The following AP3B1 variants were observed in gnomAD, a reference collection of about 807,000 sequenced individuals.
The protein encoded by AP3B1 is AP-3 complex subunit beta-1.
A neutral mutation model predicts 132.5 loss-of-function variants in AP3B1; 61 were observed. The observed-to-expected ratio is 0.46, with a 90% CI of 0.37 to 0.57. The LOEUF is 0.57. Among genes scored for constraint, AP3B1 ranks in the 20% least tolerant of loss-of-function variants. The pLI, the probability that AP3B1 is intolerant of heterozygous loss-of-function variation, is 0.00. For missense variants in AP3B1, 1,120 were observed against 1,289.4 expected (o/e 0.87, Z 2.01); for synonymous variants, 388 against 438.3 (o/e 0.89, Z 1.43).
chr5:78,102,571 A>T (rs1196726532), intron 20 of AP3B1, among the ~76,000 whole-genome samples: 1 of 152,138 alleles, frequency 6.6e-6, no homozygotes. Flanking sequence ...CTAAAATTTA[A>T]AAGTTGCAAG....
intron 1 of AP3B1, among the ~76,000 whole-genome samples, chr5:78,288,777 C>T (rs933821774): frequency 6.6e-6 from 1 of 151,976 alleles, no homozygotes; most frequent in Non-Finnish European, 1.5e-5. Flanking sequence ...TTAATATGAG[C>T]AGAATGTGTG....
intron 19 of AP3B1, among the ~76,000 whole-genome samples, chr5:78,111,899 C>T (rs761753544): frequency 3.9e-5 from 6 of 152,094 alleles, no homozygotes; most frequent in Non-Finnish European, 8.8e-5. Context: ...AAATAACCTG[C>T]TCAAGGGCAC....
chr5:78,038,578 C>G (rs1320180932), intron 23 of AP3B1, among the ~76,000 whole-genome samples: 1 of 152,228 alleles, frequency 6.6e-6, no homozygotes, highest in Non-Finnish European at 1.5e-5. Context: ...TCTCAGTCTT[C>G]ACTCCCTTCA....
intron 1 of AP3B1, among the ~76,000 whole-genome samples, chr5:78,279,905 T>TG (rs1330788447): frequency 4.0e-5 from 4 of 100,276 alleles, no homozygotes; most frequent in African/African-American, 1.1e-4. Flanking sequence ...ATATATGACT[T>TG]AAATATATAT....
intron 22 of AP3B1, among the ~76,000 whole-genome samples, chr5:78,082,347 T>C (rs115708370): frequency 7.2e-5 from 11 of 152,310 alleles, no homozygotes; most frequent in African/African-American, 1.9e-4. Context: ...TCCACGGCCA[T>C]TGGACTAGAT....
chr5:78,276,808 GCAGTGAGCCAAGATCGCAC>G (rs1401441147), intron 1 of AP3B1, among the ~76,000 whole-genome samples: 1 of 151,862 alleles, frequency 6.6e-6, no homozygotes, highest in Non-Finnish European at 1.5e-5. Context: ...AGCTGAGGCG[GCAGTGAGCCAAGATCGCAC>G]CATTTCACTT....
intron 22 of AP3B1, among the ~76,000 whole-genome samples, chr5:78,045,524 A>G (rs961864712): frequency 6.6e-6 from 1 of 152,154 alleles, no homozygotes; most frequent in Non-Finnish European, 1.5e-5. Flanking sequence ...TGTTCAATAA[A>G]CCGAGTGGGT....
chr5:78,133,072 C>T (rs937721374), intron 15 of AP3B1, among the ~76,000 whole-genome samples: 2 of 152,168 alleles, frequency 1.3e-5, no homozygotes, highest in African/African-American at 4.8e-5. Flanking sequence ...CCTCTAACTT[C>T]CCATGTTTTC....
intron 22 of AP3B1, among the ~76,000 whole-genome samples, chr5:78,084,521 C>CAAAAAAAAAAA (rs568637894): frequency 1.4e-3 from 63 of 43,878 alleles, no homozygotes; most frequent in East Asian, 3.8e-3. Context: ...CAGACCCTGT[C>CAAAAAAAAAAA]AAAAAAAAAA....
intron 17 of AP3B1, among the ~76,000 whole-genome samples, chr5:78,118,711 G>A (rs1214122302): frequency 6.6e-6 from 1 of 152,346 alleles, no homozygotes; most frequent in Middle Eastern, 3.4e-3. Context: ...ACAGCTCAAG[G>A]AGGCCTGCCT....
intron 24 of AP3B1, among the ~76,000 whole-genome samples, chr5:78,030,652 G>A (rs563743678): frequency 1.3e-4 from 20 of 152,188 alleles, no homozygotes; most frequent in African/African-American, 2.6e-4. Flanking sequence ...GAAGGCTTGC[G>A]TGTTTCTTTT....
At chr5:78,072,840 G>T (rs1749599937) in intron 22 of AP3B1, among the ~76,000 whole-genome samples, 1 of 140,898 alleles carries the variant, frequency 7.1e-6, no homozygotes, top group Admixed American at 7.6e-5. Flanking sequence ...TCCTGCCTCA[G>T]CCTCCTGAGT....
intron 13 of AP3B1, among the ~76,000 whole-genome samples, chr5:78,158,404 G>C (rs1383417003): frequency 6.6e-6 from 1 of 152,004 alleles, no homozygotes; most frequent in Non-Finnish European, 1.5e-5. Flanking sequence ...GCTTCAGTGA[G>C]CCGTGATCAC....
intron 2 of AP3B1, among the ~76,000 whole-genome samples, chr5:78,261,228 C>A (rs1561206612): frequency 6.6e-6 from 1 of 152,194 alleles, no homozygotes; most frequent in Non-Finnish European, 1.5e-5. Context: ...TTCCCACCAG[C>A]AATGCATAAG....
At chr5:78,219,636 GA>G (rs1369522703) in intron 6 of AP3B1, among the ~76,000 whole-genome samples, 1 of 151,794 alleles carries the variant, frequency 6.6e-6, no homozygotes, top group Non-Finnish European at 1.5e-5. Flanking sequence ...CTATTTTTAG[GA>G]AAAAACTATT....
chr5:78,223,027 C>CTTTTTTTTTTTTT (rs1554077324), intron 6 of AP3B1, among the ~76,000 whole-genome samples: 14 of 127,814 alleles, frequency 1.1e-4, no homozygotes, highest in African/African-American at 4.1e-4. Flanking sequence ...TTGTTTGTTT[C>CTTTTTTTTTTTTT]TTTTTTTTTT....
At chr5:78,024,417 C>T (rs1199181364) in intron 24 of AP3B1, among the ~76,000 whole-genome samples, 3 of 151,866 alleles carry the variant, frequency 2.0e-5, no homozygotes, top group Non-Finnish European at 4.4e-5. Flanking sequence ...GAGACAGGGT[C>T]TCAGCTCTGT....
chr5:78,105,653 A>C (rs1482342024), intron 20 of AP3B1, among the ~76,000 whole-genome samples: 1 of 152,226 alleles, frequency 6.6e-6, no homozygotes, highest in East Asian at 1.9e-4. Context: ...GAACAAAAGA[A>C]TTACTTCATT....
Position 78,166,129 on chromosome 5 carries a change from AC to A in AP3B1, c.1168-458del, listed in dbSNP as rs1743616074. On this transcript the variant is annotated intron_variant, in intron 11 of 26. Coordinates refer to ENST00000255194, the MANE Select transcript of AP3B1 (RefSeq NM_003664.5). Reference sequence around the variant, plus strand: ...GACTGAAACTCTGTCACACACACACACACACACACACACACACACACACACA... The same window carrying A: ...GACTGAAACTCTGTCACACACACACAACACACACACACACACACACACACA... 4.0e-4 allele frequency among the ~76,000 whole-genome samples: 7 copies of A among 17,552 alleles called. No homozygotes were observed. In the South Asian group the frequency reaches 0.026, roughly 66 times the overall value. The allele number at this position is 17,552 out of a possible 152,430, so 11.5% of individuals were successfully genotyped here. A position where few individuals can be genotyped will look rare whatever the true frequency, so the allele number is the denominator to read the frequency against.
Sources: allele counts gnomAD v4.1 joint callset (sites outside exome capture counted in the v4.1 genomes callset), GRCh38; gene constraint gnomAD v4.1.1; transcripts MANE v1.5; gene names NCBI Gene and HGNC (gene_info 2026-07-23, HGNC 2026-07-21).